Variants in SHTN1 observed in about 807,000 individuals in gnomAD.
The protein encoded by SHTN1 is shootin 1.
SHTN1 carries 42 observed loss-of-function variants against 83.1 expected under a neutral mutation model. The observed-to-expected ratio is 0.51, with a 90% confidence interval of 0.39 to 0.65. The LOEUF is 0.65. Among genes scored for constraint, SHTN1 ranks in the 30% least tolerant of loss-of-function variants. The pLI, the probability that SHTN1 is intolerant of heterozygous loss-of-function variation, is 0.00. For synonymous variants in SHTN1, 224 were observed against 247.7 expected (o/e 0.90, Z 0.90); for missense variants, 622 against 737.8 (o/e 0.84, Z 1.82).
intron 1 of SHTN1, among the ~76,000 whole-genome samples, chr10:117,084,565 C>A (rs1853318627): frequency 6.6e-6 from 1 of 152,204 alleles, no homozygotes; most frequent in Non-Finnish European, 1.5e-5. Context: ...TGGGCTCCAC[C>A]CAGTTCGAGC....
At chr10:116,993,984 G>A (rs1181926150) in intron 1 of SHTN1, among the ~76,000 whole-genome samples, 2 of 152,040 alleles carry the variant, frequency 1.3e-5, no homozygotes, top group Admixed American at 1.3e-4. Flanking sequence ...CTGTTAGCAA[G>A]CTTTAAAAAT....
intron 2 of SHTN1, among the ~76,000 whole-genome samples, chr10:116,972,467 C>G (rs2133466622): frequency 6.6e-6 from 1 of 152,240 alleles, no homozygotes; most frequent in Non-Finnish European, 1.5e-5. Context: ...AATCCAAACA[C>G]CCACTTATTT....
chr10:117,018,171 A>G (rs185849105), intron 2 of SHTN1, among the ~76,000 whole-genome samples: 3 of 152,308 alleles, frequency 2.0e-5, no homozygotes, highest in Admixed American at 2.0e-4. Flanking sequence ...TTTGGTTAAG[A>G]GTATTATACC....
Position 116,894,404 on chromosome 10 carries a change from G to A in SHTN1, c.1673+7361C>T, listed in dbSNP as rs529021863. On this transcript the variant is annotated intron_variant, in intron 16 of 16. Transcript: ENST00000355371. Reference sequence around the variant, plus strand: ...GTAACCTCTTTTGACTCCCCCAAACGAAAAAGCAAACTGCCTGTCTGGCAG... The same window carrying A: ...GTAACCTCTTTTGACTCCCCCAAACAAAAAAGCAAACTGCCTGTCTGGCAG... Among the ~76,000 whole-genome samples the A allele has an allele frequency of 1.2e-4, 18 of 152,160 alleles. No homozygotes were observed. The South Asian group carries it at 1.7e-3, about 14-fold the overall frequency.
chr10:117,028,682 C>T lies in SHTN1; in HGVS notation c.-123+19763G>A, dbSNP rs535417216. ...TTCTTTAGAGGGCCACTGCTTTAGA[C>T]GGTGGAAGCTGCAAGCCTTGGCAGT... On this transcript the variant is annotated intron_variant, in intron 2 of 17. Transcript: ENST00000392901. 1.3e-3 allele frequency among the ~76,000 whole-genome samples: 191 copies of T among 152,234 alleles called. 1 individual carries two copies. Among genetic ancestry groups the T allele is most frequent in the African/African-American group, 4.0e-3 (166 of 41,548 alleles).
chr10:117,013,326 A>C (rs1009651745), intron 2 of SHTN1, among the ~76,000 whole-genome samples: 1 of 152,168 alleles, frequency 6.6e-6, no homozygotes, highest in African/African-American at 2.4e-5. Flanking sequence ...GGCACCCGCC[A>C]CCACGCCCAC....
intron 2 of SHTN1, among the ~76,000 whole-genome samples, chr10:117,046,241 A>C (rs1394019883): frequency 1.3e-5 from 2 of 152,120 alleles, no homozygotes; most frequent in Non-Finnish European, 2.9e-5. Flanking sequence ...AAATACAAAG[A>C]AGCTAGGGTA....
chr10:117,021,690 T>C (rs896157452), intron 2 of SHTN1, among the ~76,000 whole-genome samples: 3 of 152,224 alleles, frequency 2.0e-5, no homozygotes, highest in Admixed American at 6.5e-5. Context: ...AAAATGAAAA[T>C]ATTTTATCCA....
At chr10:116,986,095 T>G (rs982838875) in intron 1 of SHTN1, among the ~76,000 whole-genome samples, 4 of 152,162 alleles carry the variant, frequency 2.6e-5, no homozygotes, top group African/African-American at 9.7e-5. Context: ...ACAAACTACA[T>G]TAATGACTTC....
chr10:117,068,826 A>C (rs1258980621), intron 1 of SHTN1, among the ~76,000 whole-genome samples: 1 of 152,198 alleles, frequency 6.6e-6, no homozygotes, highest in Non-Finnish European at 1.5e-5. Flanking sequence ...CAAAATGTGT[A>C]AAGTGCTGGT....
At chr10:116,953,376 A>C (rs1295698297) in intron 5 of SHTN1, among the ~76,000 whole-genome samples, 1 of 152,166 alleles carries the variant, frequency 6.6e-6, no homozygotes, top group African/African-American at 2.4e-5. Flanking sequence ...CATATCCTTA[A>C]GGTTATAGTA....
intron 9 of SHTN1, among the ~76,000 whole-genome samples, 186 bp from the exon 10 acceptor site, chr10:116,930,188 G>A (rs1250154844): frequency 6.6e-6 from 1 of 152,070 alleles, no homozygotes; most frequent in Non-Finnish European, 1.5e-5. Context: ...CTAAAGAGCT[G>A]ATTTAAAATA....
At chr10:117,005,307 A>C (rs2133549426), upstream of SHTN1, 2 of 1,396,012 alleles carry the variant, frequency 1.4e-6, no homozygotes, top group Non-Finnish European at 1.9e-6. Context: ...GGGCGGGCCC[A>C]GCAGTCCCGT....
intron 6 of SHTN1, among the ~76,000 whole-genome samples, chr10:116,949,580 G>T (rs527489694): frequency 6.6e-6 from 1 of 151,982 alleles, no homozygotes. Flanking sequence ...CAAGTTAATG[G>T]GTGCAGCACA....
chr10:117,038,553 A>G (rs1852536324), intron 2 of SHTN1, among the ~76,000 whole-genome samples: 1 of 152,230 alleles, frequency 6.6e-6, no homozygotes, highest in African/African-American at 2.4e-5. Context: ...AAGAGAATGA[A>G]AACAAGACTG....
Position 116,913,654 on chromosome 10 carries a change from T to C in SHTN1, c.1305+1721A>G, listed in dbSNP as rs905217097. ...ATTTTTCTCTAGTAATAGTTTGGTTTTGCTTATTCTTTCCATAATTAGTGG... is the reference window on the plus strand; with the variant it reads ...ATTTTTCTCTAGTAATAGTTTGGTTCTGCTTATTCTTTCCATAATTAGTGG... On this transcript the variant is annotated intron_variant, in intron 13 of 16. Coordinates refer to ENST00000355371, the MANE Select transcript of SHTN1 (RefSeq NM_001127211.3). 9.1e-4 allele frequency among the ~76,000 whole-genome samples: 138 copies of C among 152,368 alleles called. 1 individual carries two copies. Among genetic ancestry groups the C allele is most frequent in the Non-Finnish European group, 4.0e-4 (27 of 68,026 alleles).
chr10:116,964,963 T>C (rs1443541868), intron 3 of SHTN1, among the ~76,000 whole-genome samples: 1 of 151,786 alleles, frequency 6.6e-6, no homozygotes, highest in East Asian at 1.9e-4. Context: ...CAAAACTCCA[T>C]CTCAAAAATA....
At chr10:116,895,609 A>G (rs1253809495) in intron 16 of SHTN1, among the ~76,000 whole-genome samples, 1 of 152,206 alleles carries the variant, frequency 6.6e-6, no homozygotes, top group East Asian at 1.9e-4. Flanking sequence ...GGATGTGAGT[A>G]TCTTAGGGTC....
intron 1 of SHTN1, among the ~76,000 whole-genome samples, chr10:116,997,742 C>T (rs1381281634): frequency 1.3e-5 from 2 of 152,148 alleles, no homozygotes; most frequent in South Asian, 2.1e-4. Flanking sequence ...CTGGTTCCCC[C>T]TTTTCCATAT....
Sources: gnomAD v4.1 joint callset for allele counts (sites outside exome capture counted in the v4.1 genomes callset) on GRCh38, gnomAD v4.1.1 for gene constraint, MANE v1.5 for transcripts, NCBI Gene and HGNC (gene_info 2026-07-23, HGNC 2026-07-21) for gene names.